Variants in BICDL1 observed in about 807,000 individuals in gnomAD.
BICDL1 encodes BICD family-like cargo adapter 1.
A neutral mutation model predicts 76.8 loss-of-function variants in BICDL1; 20 were observed. That is an observed-to-expected ratio of 0.26 (90% CI 0.18 to 0.38). The LOEUF (loss-of-function observed/expected upper bound fraction) is 0.38, where lower values mean the gene tolerates loss of function less well. Among genes scored for constraint, BICDL1 ranks in the 10% least tolerant of loss-of-function variants. The pLI is 1.00. For synonymous variants in BICDL1, 383 were observed against 337.1 expected, an observed-to-expected ratio of 1.14 and a Z score of -1.49; for missense variants, 700 against 798.6, an observed-to-expected ratio of 0.88 and a Z score of 1.49.
chr12:120,003,017 C>T (rs1951786780), intron 2 of BICDL1, among the ~76,000 whole-genome samples: 1 of 152,116 alleles, frequency 6.6e-6, no homozygotes, highest in South Asian at 2.1e-4. Context: ...ATTAGCTGGG[C>T]ATGGTATCGT....
At chr12:120,091,138 A>G (rs1193815294) in intron 9 of BICDL1, 2 of 1,227,076 alleles carry the variant, frequency 1.6e-6, no homozygotes, top group East Asian at 5.7e-5. Context: ...ATCTCTGTGC[A>G]GTGTGACATG....
intron 2 of BICDL1, among the ~76,000 whole-genome samples, chr12:120,003,172 A>C (rs1024300888): frequency 2.0e-5 from 3 of 151,600 alleles, no homozygotes; most frequent in African/African-American, 7.3e-5. Context: ...AAAAAAAAAA[A>C]AAAACAGTCG....
chr12:120,071,613 C>G lies in BICDL1; in HGVS notation c.910-9C>G. 1.9e-6 allele frequency: 3 copies of G among 1,599,158 alleles called. No homozygotes were observed. The highest frequency in any genetic ancestry group is 1.7e-6 in the Non-Finnish European group (2 of 1,172,844). On this transcript the variant is annotated splice_polypyrimidine_tract_variant and intron_variant, in intron 4 of 9. Transcript: ENST00000548673. The surrounding 1 kb of genome is among the most constrained non-coding windows in gnomAD (Gnocchi z 4.8). ...GGTAAACCTCAACCATTTGCTCTTT[C>G]TTTGAAAGCTGCACCAAAGCCAGCT...
At chr12:120,018,387 T>C (rs1460054936) in intron 2 of BICDL1, among the ~76,000 whole-genome samples, 1 of 152,224 alleles carries the variant, frequency 6.6e-6, no homozygotes, top group Non-Finnish European at 1.5e-5. Context: ...TCAGATTCCC[T>C]GTTAGAATCT....
Position 120,061,789 on chromosome 12 carries a change from A to G in BICDL1, c.725A>G (p.Asn242Ser). ...TTTCGGGAGAAAAACTCATCAACCA[A>G]CCAGCACATTATCCGGCTGGAGAGC... The part of the protein sequence containing the change: ...EDFREKNSST[N>S]QHIIRLESLQ... Residue 242 changes from asparagine (N) to serine (S), a missense_variant, in exon 3 of 10, where the codon AAC becomes AGC. Physicochemically the swap from Asn to Ser is conservative, Grantham distance 46. Transcript: ENST00000548673. 6.2e-7 allele frequency: 1 copy of G among 1,614,098 alleles called. No homozygotes were observed. Among genetic ancestry groups the G allele is most frequent in the African/African-American group, 1.3e-5 (1 of 75,014 alleles).
At chr12:120,039,330 G>A (rs987952573) in intron 2 of BICDL1, among the ~76,000 whole-genome samples, 1 of 149,680 alleles carries the variant, frequency 6.7e-6, no homozygotes, top group African/African-American at 2.5e-5. Flanking sequence ...AGAACTGAGA[G>A]CTGGTGTTTA....
At chr12:120,075,501 T>G (rs1414779183) in intron 7 of BICDL1, among the ~76,000 whole-genome samples, 1 of 152,090 alleles carries the variant, frequency 6.6e-6, no homozygotes, top group Admixed American at 6.6e-5. Flanking sequence ...CAAGCAATCC[T>G]TCCACCTCAG....
intron 1 of BICDL1, among the ~76,000 whole-genome samples, chr12:119,990,591 A>G (rs1951500199): frequency 1.3e-5 from 2 of 152,330 alleles, no homozygotes; most frequent in Admixed American, 1.3e-4. Flanking sequence ...ACTATATAGC[A>G]CTGAGGTGAT....
intron 9 of BICDL1, chr12:120,092,421 T>C: frequency 2.0e-6 from 2 of 985,458 alleles, no homozygotes; most frequent in Non-Finnish European, 2.4e-6. Flanking sequence ...GATGGGAGCC[T>C]CAGCAGCAGG....
chr12:120,072,582 T>C lies in BICDL1; in HGVS notation c.1161T>C (p.Ser387=), dbSNP rs1848758248. 1 of 1,614,128 alleles carries C rather than the reference T, an allele frequency of 6.2e-7. No individual in the cohort carries two copies. Among genetic ancestry groups the C allele is most frequent in the African/African-American group, 1.3e-5 (1 of 74,954 alleles). The change falls in exon 6 of 10, where the codon AGT becomes AGC. Residue 387 remains serine, a synonymous_variant. Coordinates refer to ENST00000548673, the MANE Select transcript of BICDL1 (RefSeq NM_001367886.1). The part of the protein sequence containing the change: ...YLCSHLRGND[S]ADSAVSTDSS... ...GCTCACACCTTCGAGGCAATGACAG[T>C]GCTGACTCAGCCGTCTCCACGGACT...
chr12:120,035,776 G>T (rs1312866788), intron 2 of BICDL1, among the ~76,000 whole-genome samples: 2 of 152,140 alleles, frequency 1.3e-5, no homozygotes, highest in Non-Finnish European at 2.9e-5. Context: ...AGTGTTGCCA[G>T]CACAACTCTT....
Position 120,093,479 on chromosome 12 carries a change from A to C in BICDL1, c.*318A>C, listed in dbSNP as rs1286807510. On this transcript the variant is annotated 3_prime_UTR_variant, in exon 10 of 10. Transcript: ENST00000548673. Reference sequence around the variant, plus strand: ...CTTGGTGTTGGGCTTTGCAGCTCACACCCAACAGATCGCAGCCCACCCCCA... The same window carrying C: ...CTTGGTGTTGGGCTTTGCAGCTCACCCCCAACAGATCGCAGCCCACCCCCA... 2 of 345,462 alleles carry C rather than the reference A, an allele frequency of 5.8e-6. No individual in the cohort carries two copies. Among genetic ancestry groups the C allele is most frequent in the East Asian group, 1.3e-4 (2 of 15,118 alleles). The allele number at this position is 345,462 out of a possible 1,614,324, so 21.4% of individuals were successfully genotyped here.
chr12:120,021,091 A>G (rs1193115642), intron 2 of BICDL1, among the ~76,000 whole-genome samples: 1 of 151,200 alleles, frequency 6.6e-6, no homozygotes, highest in Non-Finnish European at 1.5e-5. Flanking sequence ...GAAACCAGCC[A>G]GGCCAACATG....
chr12:120,062,808 AC>A (rs1404301283), intron 3 of BICDL1, among the ~76,000 whole-genome samples: 1 of 151,990 alleles, frequency 6.6e-6, no homozygotes, highest in African/African-American at 2.4e-5. Flanking sequence ...CCTGTGTGTG[AC>A]CATTTGTGTG....
Position 120,019,560 on chromosome 12 carries a change from G to A in BICDL1, c.645+20824G>A, listed in dbSNP as rs78053429. ...TTCATAGGTAAATAACAGAGATGTG[G>A]CATTACATCATTAGTGCTCAGCAAG... On this transcript the variant is annotated intron_variant, in intron 2 of 9. Coordinates refer to ENST00000548673, the MANE Select transcript of BICDL1 (RefSeq NM_001367886.1). 8.4e-3 allele frequency among the ~76,000 whole-genome samples: 1,271 copies of A among 152,144 alleles called. 16 individuals carry two copies. The highest frequency in any genetic ancestry group is 0.029 in the African/African-American group (1,185 of 41,498).
chr12:120,011,060 C>T (rs1053476343), intron 2 of BICDL1, among the ~76,000 whole-genome samples: 1 of 152,164 alleles, frequency 6.6e-6, no homozygotes, highest in African/African-American at 2.4e-5. Context: ...GAATTAAAAG[C>T]TGGTATTCCT....
chr12:120,009,065 G>A (rs922427590), intron 2 of BICDL1, among the ~76,000 whole-genome samples: 4 of 151,384 alleles, frequency 2.6e-5, no homozygotes, highest in African/African-American at 9.7e-5. Flanking sequence ...TCGGCTCACT[G>A]CAAACTCCAC....
chr12:120,009,701 G>A (rs1256136021), intron 2 of BICDL1, among the ~76,000 whole-genome samples: 1 of 152,162 alleles, frequency 6.6e-6, no homozygotes, highest in African/African-American at 2.4e-5. Context: ...GAGTTGACAG[G>A]CAGACAAAAA....
At chr12:119,990,390 C>T in intron 1 of BICDL1, 93 bp downstream of exon 1, 1 of 1,503,208 alleles carries the variant, frequency 6.7e-7, no homozygotes, top group Non-Finnish European at 8.8e-7. Context: ...ACCCCCACTT[C>T]GTTGCTCACC....
Sources: allele counts gnomAD v4.1 joint callset (sites outside exome capture counted in the v4.1 genomes callset), GRCh38; gene constraint gnomAD v4.1.1; non-coding constraint Gnocchi (gnomAD v3.1); transcripts MANE v1.5; gene names NCBI Gene and HGNC (gene_info 2026-07-23, HGNC 2026-07-21).